KIF6: variants seen among roughly 807,000 people sequenced by gnomAD.
KIF6 encodes the protein kinesin family member 6.
KIF6 carries 106 observed loss-of-function variants against 112.7 expected under a neutral mutation model. The observed-to-expected ratio is 0.94, with a 90% CI of 0.80 to 1.11. The LOEUF (loss-of-function observed/expected upper bound fraction) is 1.11, where lower values mean the gene tolerates loss of function less well. Among genes scored for constraint, KIF6 ranks in the 50% least tolerant of loss-of-function variants. The pLI is 0.00. For synonymous variants in KIF6, 339 were observed against 339.9 expected (o/e 1.00, Z 0.03); for missense variants, 929 against 964.0 (o/e 0.96, Z 0.48).
intron 13 of KIF6, among the ~76,000 whole-genome samples, chr6:39,460,536 T>TAA (rs759528125): frequency 0.036 from 2,056 of 57,054 alleles, 44 homozygotes; most frequent in Non-Finnish European, 0.043. Flanking sequence ...AAAAAAAAAG[T>TAA]AAAAAAAAAA....
chr6:39,670,172 G>A (rs367835517), intron 3 of KIF6, among the ~76,000 whole-genome samples: 140 of 152,206 alleles, frequency 9.2e-4, no homozygotes, highest in African/African-American at 2.8e-3. Context: ...AGAGCGTTTG[G>A]GGAACATCCA....
At chr6:39,613,384 A>C (rs773288545) in intron 5 of KIF6, 66 bp from the exon 6 acceptor site, 6 of 1,351,656 alleles carry the variant, frequency 4.4e-6, no homozygotes, top group Non-Finnish European at 6.0e-6. Flanking sequence ...AGTCTTCCCT[A>C]CAGGCTTTTA....
At chr6:39,575,537 T>C (rs148293393) in intron 10 of KIF6, among the ~76,000 whole-genome samples, 2,537 of 152,302 alleles carry the variant, frequency 0.017, 74 homozygotes, top group African/African-American at 0.057. Flanking sequence ...TCCAAAGTGC[T>C]GGGATTACAG....
At position 39,360,517 on chromosome 6, in the gene KIF6, A is replaced by T; in HGVS notation, c.1960T>A (p.Phe654Ile). The T allele has an allele frequency of 6.2e-7, 1 of 1,614,220 alleles. No homozygotes were observed. Among genetic ancestry groups the T allele is most frequent in the Non-Finnish European group, 8.5e-7 (1 of 1,180,042 alleles). The part of the protein sequence containing the change: ...EEEKRRYKTM[F>I]TRLKALKVEI... ...ACCTTCAGGGCTTTCAGGCGAGTGA[A>T]CATTGTTTTATACCTGCGGTGGAAT... Residue 654 changes from phenylalanine (F) to isoleucine (I), a missense_variant, in exon 18 of 23, where the codon TTC becomes ATC. This residue lies in a region of KIF6 where 241 missense variants were observed against 301.4 expected (regional missense o/e 0.80). Coordinates refer to ENST00000287152, the MANE Select transcript of KIF6 (RefSeq NM_145027.6).
intron 13 of KIF6, among the ~76,000 whole-genome samples, chr6:39,463,579 CT>C (rs1318778152): frequency 6.6e-6 from 1 of 152,140 alleles, no homozygotes; most frequent in Non-Finnish European, 1.5e-5. Flanking sequence ...GTGTACTCAT[CT>C]TTTTTACTTC....
chr6:39,635,086 A>G (rs776132558), intron 4 of KIF6, 128 bp from the exon 5 acceptor site: 24 of 601,214 alleles, frequency 4.0e-5, no homozygotes, highest in African/African-American at 5.7e-5. Context: ...TATGGTTTAC[A>G]TTTTCAGTTC....
chr6:39,491,336 C>T (rs1005839750), intron 13 of KIF6, among the ~76,000 whole-genome samples: 6 of 152,056 alleles, frequency 3.9e-5, no homozygotes, highest in Admixed American at 2.6e-4. Flanking sequence ...TAACAGACAA[C>T]TCCAACTTTT....
At chr6:39,659,858 T>C (rs1232374276) in intron 3 of KIF6, among the ~76,000 whole-genome samples, 5 of 152,226 alleles carry the variant, frequency 3.3e-5, no homozygotes, top group Admixed American at 2.0e-4. Context: ...CAAGTCATGG[T>C]TGATCAGCAC....
intron 19 of KIF6, among the ~76,000 whole-genome samples, chr6:39,356,867 C>A (rs1764733394): frequency 6.6e-6 from 1 of 152,260 alleles, no homozygotes; most frequent in Admixed American, 6.5e-5. Context: ...TACCTGGATC[C>A]TGGCTAGGAC....
intron 6 of KIF6, among the ~76,000 whole-genome samples, chr6:39,610,260 C>A (rs562639620): frequency 1.3e-4 from 20 of 152,306 alleles, no homozygotes; most frequent in African/African-American, 4.3e-4. Context: ...GGGACATAAT[C>A]AAGTTTTATT....
intron 14 of KIF6, among the ~76,000 whole-genome samples, chr6:39,424,556 C>T (rs982209737): frequency 2.6e-5 from 4 of 152,202 alleles, no homozygotes; most frequent in African/African-American, 9.7e-5. Context: ...GCAACGTGCA[C>T]AAGTGAGGAG....
At chr6:39,603,239 G>A (rs1378731821) in intron 6 of KIF6, among the ~76,000 whole-genome samples, 1 of 152,116 alleles carries the variant, frequency 6.6e-6, no homozygotes, top group Non-Finnish European at 1.5e-5. Flanking sequence ...GCTTCAAAAT[G>A]TTCATATAGA....
intron 3 of KIF6, among the ~76,000 whole-genome samples, chr6:39,649,120 G>T (rs1482292402): frequency 1.3e-5 from 2 of 152,012 alleles, no homozygotes; most frequent in Non-Finnish European, 2.9e-5. Flanking sequence ...CTATGATTGG[G>T]TGACAAGAAG....
At chr6:39,676,350 T>C (rs1787139891) in intron 3 of KIF6, among the ~76,000 whole-genome samples, 1 of 152,098 alleles carries the variant, frequency 6.6e-6, no homozygotes, top group African/African-American at 2.4e-5. Flanking sequence ...GAACATGCTG[T>C]CAACCAAGAA....
chr6:39,557,151 AG>A (rs1365278034), intron 10 of KIF6, among the ~76,000 whole-genome samples: 1 of 152,152 alleles, frequency 6.6e-6, no homozygotes, highest in African/African-American at 2.4e-5. Context: ...ACATATTAAA[AG>A]GATTTTGTTA....
chr6:39,365,671 C>T (rs1765503693), intron 16 of KIF6, among the ~76,000 whole-genome samples: 1 of 152,214 alleles, frequency 6.6e-6, no homozygotes, highest in Non-Finnish European at 1.5e-5. Flanking sequence ...ATCTTCCAGC[C>T]TGCTAAAAAA....
At chr6:39,583,457 C>A (rs1377808616) in intron 9 of KIF6, 1 of 471,600 alleles carries the variant, frequency 2.1e-6, no homozygotes, top group Non-Finnish European at 4.4e-6. Flanking sequence ...GAAGAGAACT[C>A]CATCAGAGGA....
chr6:39,369,993 C>T (rs1177846357), intron 16 of KIF6, among the ~76,000 whole-genome samples: 1 of 152,188 alleles, frequency 6.6e-6, no homozygotes, highest in African/African-American at 2.4e-5. Flanking sequence ...AGCACCTCTC[C>T]CAGCCTACCC....
At position 39,575,274 on chromosome 6, in the gene KIF6, T is replaced by C. The variant is rs901905768; in HGVS notation, c.1181+2782A>G. On this transcript the variant is annotated intron_variant, in intron 10 of 22. Transcript: ENST00000287152. ...CAGTGCTTGAGCGTCTTCTTATTTT[T>C]CTTTTTTTTTTTTTGAGATGGAGTC... is the stretch of plus-strand genomic sequence containing the variant. Among the ~76,000 whole-genome samples the C allele has an allele frequency of 9.2e-5, 13 of 141,678 alleles. No homozygotes were observed. In the East Asian group the frequency reaches 2.6e-3, roughly 28 times the overall value. The allele number at this position is 141,678 out of a possible 152,430, so 92.9% of individuals were successfully genotyped here.
Sources: gnomAD v4.1 joint callset for allele counts (sites outside exome capture counted in the v4.1 genomes callset) on GRCh38, gnomAD v4.1.1 for gene constraint, gnomAD v4.1.1 regional missense constraint, MANE v1.5 for transcripts, NCBI Gene and HGNC (gene_info 2026-07-23, HGNC 2026-07-21) for gene names.